The following PARVA variants were observed in gnomAD, a reference collection of about 807,000 sequenced individuals.
PARVA encodes the protein parvin alpha, also known as alpha-parvin.
In PARVA, 25 loss-of-function variants were observed where a neutral mutation model predicts 52.6. The ratio of observed to expected loss-of-function variants is 0.48; its 90% CI spans 0.35 to 0.66. The LOEUF is 0.66. Ranked by LOEUF, PARVA falls within the 30% of genes least tolerant of loss-of-function variation. The probability of loss-of-function intolerance (pLI) is 0.01; values close to 1 mark genes in which losing one functional copy is unlikely to be tolerated. For missense variants in PARVA, 373 were observed against 450.9 expected, an observed-to-expected ratio of 0.83 and a Z score of 1.56; for synonymous variants, 185 against 179.1, an observed-to-expected ratio of 1.03 and a Z score of -0.26.
chr11:12,469,533 T>G (rs1475917469), intron 1 of PARVA, among the ~76,000 whole-genome samples: 1 of 152,210 alleles, frequency 6.6e-6, no homozygotes, highest in Non-Finnish European at 1.5e-5. Context: ...AAGGGGCTTC[T>G]GCTGGGTCCT....
intron 3 of PARVA, chr11:12,477,270 G>C (rs1431994029): frequency 6.6e-6 from 1 of 152,424 alleles, no homozygotes; most frequent in Non-Finnish European, 1.5e-5. Flanking sequence ...AATCTTTGTA[G>C]TTTTAGTAGA....
At chr11:12,390,180 G>A (rs979305317) in intron 1 of PARVA, among the ~76,000 whole-genome samples, 25 of 152,286 alleles carry the variant, frequency 1.6e-4, no homozygotes, top group African/African-American at 5.5e-4. Flanking sequence ...AGGCAGAATC[G>A]TTAATCTGCC....
chr11:12,448,505 G>C (rs192883129), intron 1 of PARVA, among the ~76,000 whole-genome samples: 3 of 152,336 alleles, frequency 2.0e-5, no homozygotes, highest in Admixed American at 2.0e-4. Flanking sequence ...AATTCTCTGG[G>C]ATGAGGTGCT....
intron 3 of PARVA, among the ~76,000 whole-genome samples, chr11:12,474,841 C>T (rs1480970175): frequency 6.6e-6 from 1 of 151,790 alleles, no homozygotes; most frequent in East Asian, 1.9e-4. Flanking sequence ...TGGCGCATGA[C>T]TGTAATCCCA....
intron 1 of PARVA, among the ~76,000 whole-genome samples, chr11:12,381,975 A>T (rs1939495807): frequency 6.6e-6 from 1 of 152,246 alleles, no homozygotes; most frequent in Non-Finnish European, 1.5e-5. Context: ...TTCACTAAGC[A>T]TGAAAAATAT....
At chr11:12,474,951 CAAAAAAAAAAA>C (rs373253926) in intron 3 of PARVA, among the ~76,000 whole-genome samples, 1 of 126,846 alleles carries the variant, frequency 7.9e-6, no homozygotes, top group Non-Finnish European at 1.7e-5. Context: ...GACCCTGTCT[CAAAAAAAAAAA>C]AAAAATAGCA....
chr11:12,381,321 A>G (rs1205094202), intron 1 of PARVA, among the ~76,000 whole-genome samples: 6 of 152,182 alleles, frequency 3.9e-5, no homozygotes, highest in African/African-American at 1.4e-4. Context: ...GCCTTCTTCA[A>G]CTTTCTCTTT....
Position 12,505,891 on chromosome 11 carries a change from G to T in PARVA, c.657+1462G>T, listed in dbSNP as rs374003286. ...ATAGGTGGACATCGTCCCCATAGGT[G>T]GGAGCACAGAGGATTTTTAGGTACA... On this transcript the variant is annotated intron_variant, in intron 6 of 12. Coordinates refer to ENST00000334956, the MANE Select transcript of PARVA (RefSeq NM_018222.5). Among the ~76,000 whole-genome samples, 8 of 152,316 alleles carry T rather than the reference G, an allele frequency of 5.3e-5. No homozygotes were observed. In the East Asian group the frequency reaches 1.5e-3, roughly 29 times the overall value.
Position 12,527,726 on chromosome 11 carries a change from C to G in PARVA, c.1043-123C>G, listed in dbSNP as rs1391520675. 4 of 768,522 alleles carry G rather than the reference C, an allele frequency of 5.2e-6. No individual in the cohort carries two copies. In the East Asian group the frequency reaches 9.8e-5, roughly 19 times the overall value. The allele number at this position is 768,522 out of a possible 1,614,324, so 47.6% of individuals were successfully genotyped here. A position where few individuals can be genotyped will look rare whatever the true frequency, so the allele number is the denominator to read the frequency against. The stretch of plus-strand genomic sequence containing the variant: ...CTGAATTCTCGCTGCCCACTCTACC[C>G]ATCTGCCCCGAACATGCTGGGTACA... On this transcript the variant is annotated intron_variant, in intron 12 of 12. Coordinates refer to ENST00000334956, the MANE Select transcript of PARVA (RefSeq NM_018222.5).
intron 7 of PARVA, among the ~76,000 whole-genome samples, chr11:12,510,897 C>CA (rs1256425157): frequency 1.4e-4 from 22 of 152,146 alleles, no homozygotes; most frequent in African/African-American, 5.3e-4. Flanking sequence ...GCAAAAAAAT[C>CA]ACTCAGTGCA....
rs78285324 is a variant in PARVA, at chr11:12,428,806, C to T, written c.137-44939C>T. Among the ~76,000 whole-genome samples the T allele has an allele frequency of 4.8e-3, 731 of 152,162 alleles. 10 individuals are homozygous for T. The highest frequency in any genetic ancestry group is 0.016 in the African/African-American group (661 of 41,496). ...TTCTGAGACTGACCTTTGTCTAAAACGAGAAGGAACATAAATTTAAAATGT... is the reference window on the plus strand; with the variant it reads ...TTCTGAGACTGACCTTTGTCTAAAATGAGAAGGAACATAAATTTAAAATGT... On this transcript the variant is annotated intron_variant, in intron 1 of 12. Coordinates refer to ENST00000334956, the MANE Select transcript of PARVA (RefSeq NM_018222.5).
intron 12 of PARVA, among the ~76,000 whole-genome samples, chr11:12,524,848 T>C (rs769200792): frequency 6.6e-6 from 1 of 152,222 alleles, no homozygotes; most frequent in Non-Finnish European, 1.5e-5. Flanking sequence ...TGTTAATCAA[T>C]AAGCATACAA....
At chr11:12,506,558 G>A (rs1417184169) in intron 6 of PARVA, among the ~76,000 whole-genome samples, 3 of 152,204 alleles carry the variant, frequency 2.0e-5, no homozygotes, top group Non-Finnish European at 4.4e-5. Flanking sequence ...TGAAACAGTG[G>A]TCATTGCAAG....
chr11:12,410,858 C>A (rs892084298), intron 1 of PARVA, among the ~76,000 whole-genome samples: 1 of 152,230 alleles, frequency 6.6e-6, no homozygotes, highest in Non-Finnish European at 1.5e-5. Flanking sequence ...CATCATTAAG[C>A]ATCTGGACTC....
chr11:12,469,592 G>A (rs1940903939), intron 1 of PARVA, among the ~76,000 whole-genome samples: 1 of 152,154 alleles, frequency 6.6e-6, no homozygotes, highest in South Asian at 2.1e-4. Context: ...GGCTGTTTTG[G>A]GAAAGTGGCC....
intron 1 of PARVA, among the ~76,000 whole-genome samples, chr11:12,437,614 A>G (rs11828715): frequency 0.012 from 1,810 of 152,316 alleles, 38 homozygotes; most frequent in African/African-American, 0.041. Flanking sequence ...AAGAGAGCAG[A>G]CTTAGAGAGT....
rs866088469 is a variant in PARVA, at chr11:12,443,237, T to C, written c.137-30508T>C. 1.5e-4 allele frequency among the ~76,000 whole-genome samples: 21 copies of C among 135,610 alleles called. 1 individual carries two copies. In the Middle Eastern group the frequency reaches 0.014, roughly 89 times the overall value. The allele number at this position is 135,610 out of a possible 152,430, so 89.0% of individuals were successfully genotyped here. A position where few individuals can be genotyped will look rare whatever the true frequency, so the allele number is the denominator to read the frequency against. On this transcript the variant is annotated intron_variant, in intron 1 of 12. Transcript: ENST00000334956. ...GTCAGGTTGGAGTGCAGTGGTGCAATCTCAGCTCACTGCAACCTTCGCATC... is the reference window on the plus strand; with the variant it reads ...GTCAGGTTGGAGTGCAGTGGTGCAACCTCAGCTCACTGCAACCTTCGCATC...
intron 1 of PARVA, among the ~76,000 whole-genome samples, chr11:12,423,995 A>G (rs79309782): frequency 3.9e-5 from 6 of 152,356 alleles, no homozygotes; most frequent in African/African-American, 1.4e-4. Context: ...TTCTTGCAGG[A>G]ATATAATTGT....
chr11:12,512,396 T>C (rs969870075), intron 8 of PARVA, among the ~76,000 whole-genome samples: 13 of 152,180 alleles, frequency 8.5e-5, no homozygotes, highest in African/African-American at 3.1e-4. Context: ...TTCCTGGTAG[T>C]CTCAGATTTA....
Sources: allele counts gnomAD v4.1 joint callset (sites outside exome capture counted in the v4.1 genomes callset), GRCh38; gene constraint gnomAD v4.1.1; transcripts MANE v1.5; gene names NCBI Gene and HGNC (gene_info 2026-07-23, HGNC 2026-07-21).